The following STUM variants were observed in gnomAD, a reference collection of about 807,000 sequenced individuals.
The protein encoded by STUM is protein stum homolog.
Under a neutral mutation model 15.3 loss-of-function variants are expected in STUM, and 8 were observed. That is an observed-to-expected ratio of 0.52 (90% CI 0.31 to 0.94). STUM has a LOEUF of 0.94. Among genes scored for constraint, STUM ranks in the 40% least tolerant of loss-of-function variants. The pLI, the probability that STUM is intolerant of heterozygous loss-of-function variation, is 0.05. For synonymous variants in STUM, 78 were observed against 88.7 expected (o/e 0.88, Z 0.68); for missense variants, 142 against 204.9 (o/e 0.69, Z 1.87).
At chr1:226,554,257 G>A (rs1438068141) in intron 1 of STUM, among the ~76,000 whole-genome samples, 2 of 152,238 alleles carry the variant, frequency 1.3e-5, no homozygotes, top group African/African-American at 4.8e-5. Flanking sequence ...AGCAGGCCAT[G>A]GCATGGCATG....
rs554340811 is a variant in STUM, at chr1:226,587,497, C to T, written c.203-9305C>T. 1.8e-4 allele frequency among the ~76,000 whole-genome samples: 27 copies of T among 152,302 alleles called. No homozygotes were observed. In the South Asian group the frequency reaches 5.2e-3, roughly 29 times the overall value. ...CTTACCAGGGTCTCACCTGTACACCCCTTGTCTGCCTGAAGACTCGCACCC... is the reference window on the plus strand; with the variant it reads ...CTTACCAGGGTCTCACCTGTACACCTCTTGTCTGCCTGAAGACTCGCACCC... On this transcript the variant is annotated intron_variant, in intron 1 of 3. Transcript: ENST00000366788.
rs1667341713 is a variant in STUM at position 226,549,763 on chromosome 1, G to C, written c.202+657G>C. Among the ~76,000 whole-genome samples the C allele has an allele frequency of 6.6e-6, 1 of 152,228 alleles. No individual in the cohort carries two copies. The highest frequency in any genetic ancestry group is 1.5e-5 in the Non-Finnish European group (1 of 68,040). On this transcript the variant is annotated intron_variant, in intron 1 of 3. Coordinates refer to ENST00000366788, the MANE Select transcript of STUM (RefSeq NM_001003665.4). The surrounding 1 kb of genome is among the most constrained non-coding windows in gnomAD (Gnocchi z 6.8). ...AGTTTGGATGCATGTGGCCAGAGAT[G>C]AACCCATAGCTCCCTCGGATCCCTT... is the stretch of plus-strand genomic sequence containing the variant.
At chr1:226,557,554 A>G (rs935707439) in intron 1 of STUM, among the ~76,000 whole-genome samples, 3 of 152,224 alleles carry the variant, frequency 2.0e-5, no homozygotes, top group South Asian at 4.1e-4. Flanking sequence ...AGCCATCTCC[A>G]TACTATTTTC....
chr1:226,585,361 C>T (rs1420452950), intron 1 of STUM, among the ~76,000 whole-genome samples: 1 of 152,230 alleles, frequency 6.6e-6, no homozygotes, highest in Non-Finnish European at 1.5e-5. Flanking sequence ...GTGGGGCCCT[C>T]CTCATGCCCC....
At position 226,603,477 on chromosome 1, in the gene STUM, G is replaced by A. The variant is rs921267401; in HGVS notation, c.*1437G>A. The stretch of plus-strand genomic sequence containing the variant: ...AACATAGGAAATGCTAACAGATGGG[G>A]CTGGCCCAAAGTCAAGCTTCTGACT... On this transcript the variant is annotated 3_prime_UTR_variant, in exon 4 of 4. Coordinates refer to ENST00000366788, the MANE Select transcript of STUM (RefSeq NM_001003665.4). 6.6e-6 allele frequency: 1 copy of A among 152,244 alleles called. No homozygotes were observed. Among genetic ancestry groups the A allele is most frequent in the East Asian group, 1.9e-4 (1 of 5,204 alleles). 9.4% of individuals were successfully genotyped at this position (152,244 alleles called of 1,614,324 possible).
intron 1 of STUM, among the ~76,000 whole-genome samples, chr1:226,558,351 G>A (rs750562741): frequency 5.9e-5 from 9 of 152,140 alleles, no homozygotes; most frequent in Non-Finnish European, 1.3e-4. Flanking sequence ...GATCATTCCT[G>A]GGGTATTTCT....
At chr1:226,588,130 A>G (rs534404811) in intron 1 of STUM, among the ~76,000 whole-genome samples, 2 of 152,270 alleles carry the variant, frequency 1.3e-5, no homozygotes, top group East Asian at 1.9e-4. Flanking sequence ...ACTATTCCAG[A>G]TCGGTTTTAT....
intron 1 of STUM, among the ~76,000 whole-genome samples, chr1:226,582,762 C>T (rs775085159): frequency 1.4e-4 from 21 of 152,184 alleles, no homozygotes; most frequent in Non-Finnish European, 2.8e-4. Context: ...AGCCCCAGTA[C>T]CTGCTTTCCC....
At chr1:226,582,149 T>A (rs1571806363) in intron 1 of STUM, among the ~76,000 whole-genome samples, 1 of 152,360 alleles carries the variant, frequency 6.6e-6, no homozygotes, top group African/African-American at 2.4e-5. Flanking sequence ...AGGCAGACGC[T>A]GCTGCTGCTG....
chr1:226,550,739 A>G (rs1667361532), intron 1 of STUM, among the ~76,000 whole-genome samples: 1 of 152,114 alleles, frequency 6.6e-6, no homozygotes, highest in Non-Finnish European at 1.5e-5. Context: ...CCCAGGAGAC[A>G]GCAGCTGCCC....
rs1558275104 is a variant in STUM, at chr1:226,548,948, C to T, written c.44C>T (p.Ala15Val). The change falls in exon 1 of 4, where the codon GCG (alanine) becomes GTG (valine). Residue 15 changes from alanine to valine, a missense_variant. Physicochemically the swap from Ala to Val is moderately conservative, Grantham distance 64. Transcript: ENST00000366788. ...HKDAETAAAA[A>V]AVAAADPRGA... is the part of the protein sequence containing the mutation. ...GACGCCGAGACGGCGGCGGCGGCGGCGGCGGTGGCGGCGGCGGACCCCCGG... is the reference window on the plus strand; with the variant it reads ...GACGCCGAGACGGCGGCGGCGGCGGTGGCGGTGGCGGCGGCGGACCCCCGG... 17 of 1,456,998 alleles carry T rather than the reference C, an allele frequency of 1.2e-5. No individual in the cohort carries two copies. The highest frequency in any genetic ancestry group is 4.2e-5 in the South Asian group (3 of 72,264). The allele number at this position is 1,456,998 out of a possible 1,614,324, so 90.3% of individuals were successfully genotyped here.
chr1:226,557,770 G>T (rs955560468), intron 1 of STUM, among the ~76,000 whole-genome samples: 3 of 152,144 alleles, frequency 2.0e-5, no homozygotes, highest in African/African-American at 7.2e-5. Context: ...ATTCCACAGT[G>T]CATTAAAAGG....
chr1:226,577,728 A>G (rs1421565791), intron 1 of STUM, among the ~76,000 whole-genome samples: 2 of 152,142 alleles, frequency 1.3e-5, no homozygotes, highest in African/African-American at 4.8e-5. Flanking sequence ...GACAGCATGC[A>G]CTGCTTTTGG....
chr1:226,606,193 G>A lies in STUM; in HGVS notation c.*4153G>A, dbSNP rs1246385147. 1.1e-5 allele frequency: 1 copy of A among 89,854 alleles called. No homozygotes were observed. Among genetic ancestry groups the A allele is most frequent in the African/African-American group, 5.3e-5 (1 of 18,876 alleles). The allele number at this position is 89,854 out of a possible 1,614,324, so 5.6% of individuals were successfully genotyped here. On this transcript the variant is annotated 3_prime_UTR_variant, in exon 4 of 4. Coordinates refer to ENST00000366788, the MANE Select transcript of STUM (RefSeq NM_001003665.4). ...GTCAAAGGCCTTCCGAAGGCCCGAG[G>A]TTCTTGAGGAGGGGAAGCTGATAGG...
chr1:226,586,187 G>A (rs1312918854), intron 1 of STUM, among the ~76,000 whole-genome samples: 1 of 152,184 alleles, frequency 6.6e-6, no homozygotes, highest in South Asian at 2.1e-4. Context: ...GGTTCAGGGT[G>A]CACTGTTCTC....
At chr1:226,579,646 C>CTT (rs66789425) in intron 1 of STUM, among the ~76,000 whole-genome samples, 2 of 137,248 alleles carry the variant, frequency 1.5e-5, no homozygotes, top group South Asian at 2.2e-4. Context: ...TTTTCTTTTT[C>CTT]TTTTGAGACA....
chr1:226,573,635 G>T (rs549756573), intron 1 of STUM, among the ~76,000 whole-genome samples: 1 of 151,868 alleles, frequency 6.6e-6, no homozygotes, highest in Admixed American at 6.6e-5. Flanking sequence ...AAAAAGAGGG[G>T]GTTTTATTTA....
chr1:226,571,507 G>A (rs1667711013), intron 1 of STUM, among the ~76,000 whole-genome samples: 1 of 152,186 alleles, frequency 6.6e-6, no homozygotes, highest in Non-Finnish European at 1.5e-5. Context: ...TAATGAGAGG[G>A]AATGCTAAAA....
At chr1:226,586,211 G>GT (rs1441787660) in intron 1 of STUM, among the ~76,000 whole-genome samples, 4 of 152,194 alleles carry the variant, frequency 2.6e-5, no homozygotes, top group Non-Finnish European at 5.9e-5. Flanking sequence ...CACGCCCAGT[G>GT]TGTGTAGCCA....
Sources: allele counts gnomAD v4.1 joint callset (sites outside exome capture counted in the v4.1 genomes callset), GRCh38; gene constraint gnomAD v4.1.1; non-coding constraint Gnocchi (gnomAD v3.1); transcripts MANE v1.5; gene names NCBI Gene and HGNC (gene_info 2026-07-23, HGNC 2026-07-21).